Variants in GABRG1 observed in about 807,000 individuals in gnomAD.
GABRG1 encodes the protein gamma-aminobutyric acid receptor subunit gamma-1.
In GABRG1, 49 loss-of-function variants were observed where a neutral mutation model predicts 49.8. The observed-to-expected ratio is 0.98, with a 90% CI of 0.78 to 1.25. The LOEUF (loss-of-function observed/expected upper bound fraction) is 1.25, where lower values mean the gene tolerates loss of function less well. Among genes scored for constraint, GABRG1 ranks in the 50% most tolerant of loss-of-function variants. GABRG1 has a pLI of 0.00. For synonymous variants in GABRG1, 232 were observed against 185.1 expected, an observed-to-expected ratio of 1.25 and a Z score of -2.06; for missense variants, 552 against 552.3, an observed-to-expected ratio of 1.00 and a Z score of 0.01.
At chr4:46,083,503 T>TA (rs1168858399) in intron 3 of GABRG1, among the ~76,000 whole-genome samples, 1 of 151,822 alleles carries the variant, frequency 6.6e-6, no homozygotes, top group Admixed American at 6.6e-5. Flanking sequence ...CTGTCCTTGA[T>TA]AAGATCCTTA....
At chr4:46,074,285 T>C (rs1719246255) in intron 3 of GABRG1, among the ~76,000 whole-genome samples, 1 of 152,192 alleles carries the variant, frequency 6.6e-6, no homozygotes. Flanking sequence ...GAGAACACTA[T>C]ATTTGGAAAT....
intron 1 of GABRG1, among the ~76,000 whole-genome samples, chr4:46,117,625 C>T (rs1464894180): frequency 1.1e-4 from 14 of 130,558 alleles, no homozygotes; most frequent in African/African-American, 2.9e-4. Flanking sequence ...TATATATATA[C>T]ACATATGTAT....
intron 3 of GABRG1, among the ~76,000 whole-genome samples, chr4:46,082,181 C>T (rs1719602011): frequency 1.3e-5 from 2 of 151,744 alleles, no homozygotes; most frequent in African/African-American, 4.8e-5. Context: ...CTCATATTGG[C>T]ATTGTTAATT....
chr4:46,047,583 G>T (rs564743763), intron 8 of GABRG1, among the ~76,000 whole-genome samples: 48 of 152,046 alleles, frequency 3.2e-4, no homozygotes, highest in Admixed American at 3.1e-3. Flanking sequence ...GGCCACATAG[G>T]TCTGGCTTTG....
chr4:46,079,082 T>C (rs1157975996), intron 3 of GABRG1, among the ~76,000 whole-genome samples: 1 of 151,866 alleles, frequency 6.6e-6, no homozygotes, highest in Non-Finnish European at 1.5e-5. Context: ...GTTTTTTTTT[T>C]TTCCTTTTGT....
At chr4:46,088,691 C>T (rs748603850) in intron 2 of GABRG1, among the ~76,000 whole-genome samples, 4 of 151,552 alleles carry the variant, frequency 2.6e-5, no homozygotes, top group Non-Finnish European at 5.9e-5. Flanking sequence ...AATTACTTTT[C>T]GCACCTTACA....
chr4:46,093,585 A>G (rs1396909644), intron 2 of GABRG1, among the ~76,000 whole-genome samples: 2 of 152,018 alleles, frequency 1.3e-5, no homozygotes, highest in Non-Finnish European at 2.9e-5. Context: ...AAAAATAACC[A>G]AAAGAGTATA....
intron 3 of GABRG1, among the ~76,000 whole-genome samples, chr4:46,076,665 A>G (rs925427248): frequency 1.3e-5 from 2 of 151,564 alleles, no homozygotes; most frequent in African/African-American, 4.8e-5. Flanking sequence ...CTGTCAGAAC[A>G]TTGCCCACAA....
chr4:46,065,947 C>T (rs1718903886), intron 3 of GABRG1, among the ~76,000 whole-genome samples: 2 of 152,136 alleles, frequency 1.3e-5, no homozygotes, highest in African/African-American at 4.8e-5. Context: ...TGGTCTCGAT[C>T]TCCTGACCTC....
At chr4:46,116,362 CCTGA>C (rs1560376503) in intron 1 of GABRG1, among the ~76,000 whole-genome samples, 1 of 150,558 alleles carries the variant, frequency 6.6e-6, no homozygotes, top group Non-Finnish European at 1.5e-5. Context: ...TTTCATAGTG[CCTGA>C]CAGAACATAA....
intron 7 of GABRG1, among the ~76,000 whole-genome samples, chr4:46,056,663 T>C (rs1718462780): frequency 6.6e-6 from 1 of 152,118 alleles, no homozygotes; most frequent in Non-Finnish European, 1.5e-5. Context: ...AAAATTTTAT[T>C]CACTGTTAAC....
intron 5 of GABRG1, among the ~76,000 whole-genome samples, chr4:46,061,390 G>C (rs963549087): frequency 6.6e-6 from 1 of 151,992 alleles, no homozygotes; most frequent in African/African-American, 2.4e-5. Context: ...AAGAAGTAGG[G>C]TTATGCTTAT....
chr4:46,074,191 G>A (rs1317430191), intron 3 of GABRG1, among the ~76,000 whole-genome samples: 2 of 152,128 alleles, frequency 1.3e-5, no homozygotes, highest in Non-Finnish European at 2.9e-5. Flanking sequence ...TGATCTGAAT[G>A]GGAAAAGTGT....
chr4:46,115,989 A>C (rs1720873003), intron 1 of GABRG1, among the ~76,000 whole-genome samples: 1 of 150,888 alleles, frequency 6.6e-6, no homozygotes, highest in Non-Finnish European at 1.5e-5. Flanking sequence ...GCCTTTGGTT[A>C]TAGATTTGAA....
chr4:46,059,142 T>C (rs1207868587), intron 5 of GABRG1, among the ~76,000 whole-genome samples: 2 of 152,164 alleles, frequency 1.3e-5, no homozygotes, highest in African/African-American at 4.8e-5. Context: ...CGTAGCTAAA[T>C]TTCTTCCATT....
intron 2 of GABRG1, among the ~76,000 whole-genome samples, chr4:46,088,736 AATAC>A (rs1332734988): frequency 8.3e-5 from 9 of 108,950 alleles, no homozygotes; most frequent in African/African-American, 2.6e-4. Flanking sequence ...CCCACTATAA[AATAC>A]ACACACACAC....
intron 8 of GABRG1, 103 bp downstream of exon 8, chr4:46,051,321 G>A: frequency 1.2e-6 from 1 of 815,938 alleles, no homozygotes; most frequent in South Asian, 1.9e-5. Flanking sequence ...TTGGTTATGG[G>A]TCTCAAGCGT....
At chr4:46,071,463 T>C (rs910223734) in intron 3 of GABRG1, among the ~76,000 whole-genome samples, 3 of 149,556 alleles carry the variant, frequency 2.0e-5, no homozygotes, top group African/African-American at 4.9e-5. Flanking sequence ...TAATGTAATG[T>C]ATATGATGTA....
chr4:46,101,484 G>T (rs140273639), intron 1 of GABRG1, among the ~76,000 whole-genome samples: 3 of 151,532 alleles, frequency 2.0e-5, no homozygotes, highest in East Asian at 2.0e-4. Flanking sequence ...TCAAGGAGTC[G>T]CACACTATAT....
Sources: gnomAD v4.1 joint callset for allele counts (sites outside exome capture counted in the v4.1 genomes callset) on GRCh38, gnomAD v4.1.1 for gene constraint, MANE v1.5 for transcripts, NCBI Gene and HGNC (gene_info 2026-07-23, HGNC 2026-07-21) for gene names.